CHD3: variants seen among roughly 807,000 people sequenced by gnomAD.
CHD3 encodes chromodomain helicase DNA binding protein 3, also known as ATP-dependent chromatin remodeler CHD3.
A neutral mutation model predicts 248.9 loss-of-function variants in CHD3; 52 were observed. The ratio of observed to expected loss-of-function variants is 0.21; its 90% CI spans 0.17 to 0.26. The LOEUF (loss-of-function observed/expected upper bound fraction) is 0.26, where lower values mean the gene tolerates loss of function less well. CHD3 is among the 10% of genes least tolerant of loss of function. CHD3 has a pLI of 1.00. For missense variants in CHD3, 1,482 were observed against 2,605.8 expected, an observed-to-expected ratio of 0.57 and a Z score of 9.39; for synonymous variants, 985 against 985.2, an observed-to-expected ratio of 1.00 and a Z score of 0.00.
At position 7,910,624 on chromosome 17, in the gene CHD3, C is replaced by A. The variant is rs770138952; in HGVS notation, c.5754+33C>A. On this transcript the variant is annotated intron_variant, in intron 38 of 39. Transcript: ENST00000330494. This position sits in a 1 kb window ranked among gnomAD's most constrained non-coding sequence, Gnocchi z 4.7. ...TCTTTCCCCCTAGCTCCAGTTTTCCCTGTTTGTGTTCCTCCTGCACACATA... is the reference window on the plus strand; with the variant it reads ...TCTTTCCCCCTAGCTCCAGTTTTCCATGTTTGTGTTCCTCCTGCACACATA... 25 of 1,591,562 alleles carry A rather than the reference C, an allele frequency of 1.6e-5. No individual in the cohort carries two copies. The highest frequency in any genetic ancestry group is 1.4e-4 in the Admixed American group (8 of 59,162).
upstream of CHD3, among the ~76,000 whole-genome samples, chr17:7,888,502 G>T (rs989491396): frequency 6.6e-6 from 1 of 152,178 alleles, no homozygotes; most frequent in Non-Finnish European, 1.5e-5. Flanking sequence ...GTGAACCAGA[G>T]CCCCAGGGCC....
intron 2 of CHD3, among the ~76,000 whole-genome samples, chr17:7,890,189 G>T (rs1183658055): frequency 1.3e-5 from 2 of 152,156 alleles, no homozygotes; most frequent in African/African-American, 4.8e-5. Flanking sequence ...CCAGCACTTT[G>T]GGAGGCTGAG....
At position 7,899,475 on chromosome 17, in the gene CHD3, A is replaced by T; in HGVS notation, c.2476A>T (p.Ile826Phe). ...GGGTGACAAGGACAGCCGGGCCATC[A>T]TTCGTGAGAATGAATTCTCCTTTGA... ...YTGDKDSRAI[I>F]RENEFSFEDN... is the part of the protein sequence containing the mutation. The change falls in exon 15 of 40, where the codon ATT (isoleucine) becomes TTT (phenylalanine). Residue 826 changes from isoleucine to phenylalanine, a missense_variant. Coordinates refer to ENST00000330494, the MANE Select transcript of CHD3 (RefSeq NM_001005273.3). This position sits in a 1 kb window ranked among gnomAD's most constrained non-coding sequence, Gnocchi z 6.8. The T allele has an allele frequency of 6.2e-7, 1 of 1,614,210 alleles. No individual in the cohort carries two copies. The highest frequency in any genetic ancestry group is 8.5e-7 in the Non-Finnish European group (1 of 1,180,040).
Position 7,911,386 on chromosome 17 carries a change from T to G in CHD3, c.5882-78T>G. On this transcript the variant is annotated intron_variant, in intron 39 of 39. Coordinates refer to ENST00000330494, the MANE Select transcript of CHD3 (RefSeq NM_001005273.3). The surrounding 1 kb of genome is among the most constrained non-coding windows in gnomAD (Gnocchi z 5.4). Reference sequence around the variant, plus strand: ...GAAGTGGCAGGAGGTGACCTAGAAGTGAGAATTCACCATTGTCATGAAGTG... The same window carrying G: ...GAAGTGGCAGGAGGTGACCTAGAAGGGAGAATTCACCATTGTCATGAAGTG... 4.0e-4 allele frequency: 640 copies of G among 1,597,730 alleles called. No individual in the cohort carries two copies. The highest frequency in any genetic ancestry group is 1.3e-3 in the Middle Eastern group (8 of 6,006).
In CHD3 at chr17:7,905,511, C is replaced by G. The variant is rs1970819843; in HGVS notation, c.4139-110C>G. On this transcript the variant is annotated intron_variant, in intron 26 of 39. Coordinates refer to ENST00000330494, the MANE Select transcript of CHD3 (RefSeq NM_001005273.3). The surrounding 1 kb of genome is among the most constrained non-coding windows in gnomAD (Gnocchi z 5.8). ...GGGAGAGAATTGGGAGCACCTCAAA[C>G]GTGACAGGAATGTTCCTGTGTTGTG... The G allele has an allele frequency of 1.2e-6, 1 of 828,910 alleles. No homozygotes were observed. The highest frequency in any genetic ancestry group is 1.9e-6 in the Non-Finnish European group (1 of 531,400). 51.3% of individuals were successfully genotyped at this position (828,910 alleles called of 1,614,324 possible).
At position 7,904,549 on chromosome 17, in the gene CHD3, C is replaced by T. The variant is rs1211378677; in HGVS notation, c.4002C>T (p.Ala1334=). Residue 1334 remains alanine (A), a synonymous_variant, in exon 25 of 40, where the codon GCC becomes GCT. Transcript: ENST00000330494. This position sits in a 1 kb window ranked among gnomAD's most constrained non-coding sequence, Gnocchi z 4.4. ...HHYEQQQEDL[A]RNLGKGKRVR... is the part of the protein sequence containing the mutation. ...ATGAGCAACAGCAGGAAGACCTAGC[C>T]CGGAATCTAGGCAAGGGCAAGCGGG... 6.2e-7 allele frequency: 1 copy of T among 1,614,110 alleles called. No individual in the cohort carries two copies. Among genetic ancestry groups the T allele is most frequent in the African/African-American group, 1.3e-5 (1 of 75,004 alleles).
rs774094485 is a variant in CHD3, at chr17:7,902,975, C to A, written c.3409C>A (p.Arg1137=). 2 of 1,613,940 alleles carry A rather than the reference C, an allele frequency of 1.2e-6. No individual in the cohort carries two copies. Among genetic ancestry groups the A allele is most frequent in the East Asian group, 2.2e-5 (1 of 44,894 alleles). Residue 1137 remains arginine (R), a synonymous_variant, in exon 22 of 40, where the codon CGA becomes AGA. Transcript: ENST00000330494. ...ACAATTCTGCTTCCTCCTGTCCACC[C>A]GAGCTGGGGGCCTGGGCATCAATCT... ...AQQFCFLLST[R]AGGLGINLAT...
At position 7,908,466 on chromosome 17, in the gene CHD3, C is replaced by T. The variant is rs1320801818; in HGVS notation, c.5217C>T (p.Ile1739=). Residue 1739 remains isoleucine, a synonymous_variant, in exon 35 of 40, where the codon ATC becomes ATT. Coordinates refer to ENST00000330494, the MANE Select transcript of CHD3 (RefSeq NM_001005273.3). This position sits in a 1 kb window ranked among gnomAD's most constrained non-coding sequence, Gnocchi z 5.8. ...TTTCCTCGGGGAAACTCAATGAGAT[C>T]TGGCACAGAAGACATGACTATTGGC... The part of the protein sequence containing the change: ...AAISSGKLNE[I]WHRRHDYWLL... 2 of 1,613,810 alleles carry T rather than the reference C, an allele frequency of 1.2e-6. No individual in the cohort carries two copies. Among genetic ancestry groups the T allele is most frequent in the Non-Finnish European group, 1.7e-6 (2 of 1,179,926 alleles).
In CHD3 at chr17:7,897,153, T is replaced by C. The variant is rs1338957986; in HGVS notation, c.1778T>C (p.Leu593Pro). ...RKNDMDEPPP[L>P]DYGSGEDDGK... ...AATGACATGGATGAGCCCCCACCCC[T>C]GGACTATGGCTCCGGCGAGGATGAT... Residue 593 changes from leucine (L) to proline (P), a missense_variant, in exon 11 of 40, where the codon CTG becomes CCG. By Grantham distance (98) the Leu-to-Pro change is moderately conservative (BLOSUM62 -3). This residue lies in a region of CHD3 where 127 missense variants were observed against 188.3 expected (regional missense o/e 0.67). Transcript: ENST00000330494. The surrounding 1 kb of genome is among the most constrained non-coding windows in gnomAD (Gnocchi z 4.8). The C allele has an allele frequency of 1.2e-5, 20 of 1,614,010 alleles. No individual in the cohort carries two copies. Among genetic ancestry groups the C allele is most frequent in the Non-Finnish European group, 1.7e-5 (20 of 1,180,012 alleles).
chr17:7,903,677 A>G lies in CHD3; in HGVS notation c.3728-148A>G. ...CTCTTTCTTTGCCTGTAGGGTTAAAACAAACAAAACAAAAACCTTTCAACA... is the reference window on the plus strand; with the variant it reads ...CTCTTTCTTTGCCTGTAGGGTTAAAGCAAACAAAACAAAAACCTTTCAACA... On this transcript the variant is annotated intron_variant, in intron 23 of 39. Coordinates refer to ENST00000330494, the MANE Select transcript of CHD3 (RefSeq NM_001005273.3). The surrounding 1 kb of genome is among the most constrained non-coding windows in gnomAD (Gnocchi z 6.8). 1 of 1,087,062 alleles carries G rather than the reference A, an allele frequency of 9.2e-7. No homozygotes were observed. 67.3% of individuals were successfully genotyped at this position (1,087,062 alleles called of 1,614,324 possible).
At position 7,893,835 on chromosome 17, in the gene CHD3, C is replaced by T. The variant is rs777856475; in HGVS notation, c.824C>T (p.Pro275Leu). Reference sequence around the variant, plus strand: ...GGCCATAAGAGGCGGAGTAAGAGCCCCCGAGTGCCTGATGGACGCAAGAAG... The same window carrying T: ...GGCCATAAGAGGCGGAGTAAGAGCCTCCGAGTGCCTGATGGACGCAAGAAG... ...GPGHKRRSKS[P>L]RVPDGRKKLR... The change falls in exon 6 of 40, where the codon CCC (proline) becomes CTC (leucine). Residue 275 changes from proline to leucine, a missense_variant. Pro to Leu is a moderately conservative substitution (Grantham distance 98, BLOSUM62 -3). This residue lies in a region of CHD3 where 149 missense variants were observed against 182.6 expected (regional missense o/e 0.82). Coordinates refer to ENST00000330494, the MANE Select transcript of CHD3 (RefSeq NM_001005273.3). The T allele has an allele frequency of 1.2e-5, 20 of 1,613,968 alleles. No homozygotes were observed. Among genetic ancestry groups the T allele is most frequent in the Admixed American group, 1.0e-4 (6 of 60,002 alleles).
Position 7,904,950 on chromosome 17 carries a change from C to T in CHD3, c.4073-150C>T, listed in dbSNP as rs1970744100. On this transcript the variant is annotated intron_variant, in intron 25 of 39. Coordinates refer to ENST00000330494, the MANE Select transcript of CHD3 (RefSeq NM_001005273.3). The surrounding 1 kb of genome is among the most constrained non-coding windows in gnomAD (Gnocchi z 4.4). ...TAGGATATGCGGCTCCCAAGTCAGA[C>T]TTTGGGCAGTGATCTGGTGTTCCCA... 1 of 731,198 alleles carries T rather than the reference C, an allele frequency of 1.4e-6. No homozygotes were observed. Among genetic ancestry groups the T allele is most frequent in the African/African-American group, 1.8e-5 (1 of 56,932 alleles). 45.3% of individuals were successfully genotyped at this position (731,198 alleles called of 1,614,324 possible).
At position 7,889,144 on chromosome 17, in the gene CHD3, A is replaced by G. The variant is rs1968451691; in HGVS notation, c.100+44A>G. The G allele has an allele frequency of 6.2e-7, 1 of 1,613,010 alleles. No homozygotes were observed. The highest frequency in any genetic ancestry group is 2.2e-5 in the East Asian group (1 of 44,854). ...GTAAATAGAGGCCTCCCTCTTGGCAAAAGGATGTCAGGGCCCCAGGGTGTT... is the reference window on the plus strand; with the variant it reads ...GTAAATAGAGGCCTCCCTCTTGGCAGAAGGATGTCAGGGCCCCAGGGTGTT... On this transcript the variant is annotated intron_variant, in intron 1 of 39. Coordinates refer to ENST00000330494, the MANE Select transcript of CHD3 (RefSeq NM_001005273.3). The surrounding 1 kb of genome is among the most constrained non-coding windows in gnomAD (Gnocchi z 4.5).
chr17:7,910,215 CTT>C lies in CHD3; in HGVS notation c.5591-210_5591-209del, dbSNP rs1212196019. On this transcript the variant is annotated intron_variant, in intron 37 of 39. Coordinates refer to ENST00000330494, the MANE Select transcript of CHD3 (RefSeq NM_001005273.3). The surrounding 1 kb of genome is among the most constrained non-coding windows in gnomAD (Gnocchi z 4.7). ...CTGTGGTAATCTGGTCTCTCTGTCTCTTTTCCTGACACTTTTTCTTTTCCCCT... is the reference window on the plus strand; with the variant it reads ...CTGTGGTAATCTGGTCTCTCTGTCTCTTCCTGACACTTTTTCTTTTCCCCT... The C allele has an allele frequency of 8.3e-6, 5 of 602,220 alleles. No homozygotes were observed. Among genetic ancestry groups the C allele is most frequent in the Non-Finnish European group, 1.2e-5 (4 of 341,174 alleles). 37.3% of individuals were successfully genotyped at this position (602,220 alleles called of 1,614,324 possible). A position where few individuals can be genotyped will look rare whatever the true frequency, so the allele number is the denominator to read the frequency against.
At position 7,909,943 on chromosome 17, in the gene CHD3, G is replaced by A. The variant is rs1227775502; in HGVS notation, c.5591-485G>A. 4.7e-6 allele frequency: 1 copy of A among 214,688 alleles called. No individual in the cohort carries two copies. The highest frequency in any genetic ancestry group is 2.4e-5 in the African/African-American group (1 of 42,126). The allele number at this position is 214,688 out of a possible 1,614,324, so 13.3% of individuals were successfully genotyped here. ...CCTTTGATCCCTGTTCTAATTCCTT[G>A]AATCTGTAATACTGACCTTCTAACC... On this transcript the variant is annotated intron_variant, in intron 37 of 39. Transcript: ENST00000330494. The surrounding 1 kb of genome is among the most constrained non-coding windows in gnomAD (Gnocchi z 8.1).
In CHD3 at chr17:7,895,632, A is replaced by G; in HGVS notation, c.1707+90A>G. The G allele has an allele frequency of 8.4e-7, 1 of 1,184,570 alleles. No homozygotes were observed. Among genetic ancestry groups the G allele is most frequent in the Non-Finnish European group, 1.2e-6 (1 of 819,234 alleles). 73.4% of individuals were successfully genotyped at this position (1,184,570 alleles called of 1,614,324 possible). On this transcript the variant is annotated intron_variant, in intron 10 of 39. Transcript: ENST00000330494. This position sits in a 1 kb window ranked among gnomAD's most constrained non-coding sequence, Gnocchi z 4.9. ...ACTCCTCTGTTTGTTGGGTTCCCAT[A>G]CTCTTTGTTTTCTCTCATTTCAGGC... is the stretch of plus-strand genomic sequence containing the variant.
upstream of CHD3, chr17:7,885,037 GCCGCCGCCGCCACCGCTGCCC>G (rs1223542788): frequency 6.2e-6 from 7 of 1,120,152 alleles, no homozygotes; most frequent in African/African-American, 3.4e-5. Context: ...CGCCGCCGCC[GCCGCCGCCGCCACCGCTGCCC>G]CCGCCGCCGC....
chr17:7,901,629 GC>G (rs1970330747), intron 20 of CHD3, among the ~76,000 whole-genome samples: 1 of 150,266 alleles, frequency 6.7e-6, no homozygotes. Flanking sequence ...TCCTGCCTCA[GC>G]CTCCCAAGTA....
upstream of CHD3, among the ~76,000 whole-genome samples, chr17:7,886,196 C>G (rs1305846895): frequency 6.6e-6 from 1 of 152,238 alleles, no homozygotes; most frequent in Non-Finnish European, 1.5e-5. This position sits in a 1 kb window ranked among gnomAD's most constrained non-coding sequence, Gnocchi z 4.2. Context: ...ACTCAGCACC[C>G]GTCCCCCGAG....
Sources: allele counts gnomAD v4.1 joint callset (sites outside exome capture counted in the v4.1 genomes callset), GRCh38; gene constraint gnomAD v4.1.1; regional missense constraint gnomAD v4.1.1; non-coding constraint Gnocchi (gnomAD v3.1); transcripts MANE v1.5; gene names NCBI Gene and HGNC (gene_info 2026-07-23, HGNC 2026-07-21).